Variants in AP2M1 observed in about 807,000 individuals in gnomAD.
AP2M1 encodes adaptor related protein complex 2 subunit mu 1.
AP2M1 carries 5 observed loss-of-function variants against 54.5 expected under a neutral mutation model. That is an observed-to-expected ratio of 0.09 (90% CI 0.05 to 0.19). The LOEUF (loss-of-function observed/expected upper bound fraction) is 0.19, where lower values mean the gene tolerates loss of function less well. Ranked by LOEUF, AP2M1 falls within the 10% of genes least tolerant of loss-of-function variation. The pLI is 1.00. For missense variants in AP2M1, 178 were observed against 580.2 expected, an observed-to-expected ratio of 0.31 and a Z score of 7.12; for synonymous variants, 186 against 208.2, an observed-to-expected ratio of 0.89 and a Z score of 0.92.
chr3:184,175,209 G>A, intron 1 of AP2M1: 2 of 384,842 alleles, frequency 5.2e-6, no homozygotes, highest in Non-Finnish European at 9.2e-6. Flanking sequence ...ATACCGCTTG[G>A]AATCCTCCCA....
chr3:184,177,056 AGATGACATC>A lies in AP2M1; in HGVS notation c.65_73del (p.Asp22_Ile24del). 1 of 1,613,650 alleles carries A rather than the reference AGATGACATC, an allele frequency of 6.2e-7. No homozygotes were observed. The highest frequency in any genetic ancestry group is 8.5e-7 in the Non-Finnish European group (1 of 1,179,850). On this transcript the variant is annotated inframe_deletion and splice_region_variant, in exon 2 of 12. Transcript: ENST00000292807. ...AGGTGCTCATCTCCCGAGTCTACCG[AGATGACATC>A]GGGTGAGTCCCCTGGCGGAGCCAGC...
rs1216925085 is a variant in AP2M1 at position 184,178,011 on chromosome 3, C to T, written c.75-846C>T. 4 of 653,518 alleles carry T rather than the reference C, an allele frequency of 6.1e-6. No individual in the cohort carries two copies. The highest frequency in any genetic ancestry group is 5.4e-5 in the African/African-American group (3 of 55,980). The allele number at this position is 653,518 out of a possible 1,614,324, so 40.5% of individuals were successfully genotyped here. A position where few individuals can be genotyped will look rare whatever the true frequency, so the allele number is the denominator to read the frequency against. Reference sequence around the variant, plus strand: ...GCCTGTCTGAACCTGGCTGGCTACACCCCCCACCCCAGACCCCCTCCTGCC... The same window carrying T: ...GCCTGTCTGAACCTGGCTGGCTACATCCCCCACCCCAGACCCCCTCCTGCC... On this transcript the variant is annotated intron_variant, in intron 2 of 11. Coordinates refer to ENST00000292807, the MANE Select transcript of AP2M1 (RefSeq NM_004068.4). The surrounding 1 kb of genome is among the most constrained non-coding windows in gnomAD (Gnocchi z 4.9).
intron 1 of AP2M1, among the ~76,000 whole-genome samples, chr3:184,176,524 G>A (rs1164861419): frequency 6.6e-6 from 1 of 152,166 alleles, no homozygotes; most frequent in African/African-American, 2.4e-5. Context: ...TATGCCTGGG[G>A]GCCCCAGGCC....
chr3:184,177,213 G>C, intron 2 of AP2M1, 146 bp downstream of exon 2: 1 of 837,772 alleles, frequency 1.2e-6, no homozygotes, highest in Non-Finnish European at 1.8e-6. Context: ...GTGTAGCCTG[G>C]CTCCCATTAG....
chr3:184,177,162 G>A, intron 2 of AP2M1, 95 bp downstream of exon 2: 2 of 1,267,864 alleles, frequency 1.6e-6, no homozygotes, highest in Non-Finnish European at 2.2e-6. Context: ...GGCTTGACTT[G>A]GGCCACCCTG....
chr3:184,181,419 C>T lies in AP2M1; in HGVS notation c.707+193C>T. On this transcript the variant is annotated intron_variant, in intron 7 of 11. Transcript: ENST00000292807. This position sits in a 1 kb window ranked among gnomAD's most constrained non-coding sequence, Gnocchi z 5.7. ...GGGATCGTCCTCAGAGAGCAAGCCC[C>T]TTTGTTTGGTCCCTAGGACCAAGGC... The T allele has an allele frequency of 1.1e-6, 1 of 946,686 alleles. No homozygotes were observed. The highest frequency in any genetic ancestry group is 1.5e-6 in the Non-Finnish European group (1 of 647,150). 58.6% of individuals were successfully genotyped at this position (946,686 alleles called of 1,614,324 possible). A position where few individuals can be genotyped will look rare whatever the true frequency, so the allele number is the denominator to read the frequency against.
rs1358796530 is a variant in AP2M1 at position 184,178,010 on chromosome 3, A to AC, written c.75-841dup. On this transcript the variant is annotated intron_variant, in intron 2 of 11. Coordinates refer to ENST00000292807, the MANE Select transcript of AP2M1 (RefSeq NM_004068.4). This position sits in a 1 kb window ranked among gnomAD's most constrained non-coding sequence, Gnocchi z 4.9. ...GGCCTGTCTGAACCTGGCTGGCTAC[A>AC]CCCCCCACCCCAGACCCCCTCCTGC... The AC allele has an allele frequency of 1.1e-5, 7 of 655,458 alleles. No individual in the cohort carries two copies. The highest frequency in any genetic ancestry group is 4.4e-5 in the Admixed American group (2 of 44,974). The allele number at this position is 655,458 out of a possible 1,614,324, so 40.6% of individuals were successfully genotyped here.
intron 1 of AP2M1, 134 bp downstream of exon 1, chr3:184,175,093 C>T: frequency 5.1e-6 from 2 of 395,482 alleles, no homozygotes; most frequent in Non-Finnish European, 8.9e-6. Context: ...AGCCTTCGGA[C>T]CCGGGAGCTA....
chr3:184,178,224 G>A lies in AP2M1; in HGVS notation c.75-633G>A, dbSNP rs769505398. The A allele has an allele frequency of 6.5e-7, 1 of 1,536,130 alleles. No individual in the cohort carries two copies. The highest frequency in any genetic ancestry group is 2.4e-5 in the East Asian group (1 of 40,918). ...ATCTCATTGGCTGCCGTAGCAATAGGTAAGCGGCCTCTCAAGCTGCTGCCC... is the reference window on the plus strand; with the variant it reads ...ATCTCATTGGCTGCCGTAGCAATAGATAAGCGGCCTCTCAAGCTGCTGCCC... On this transcript the variant is annotated intron_variant, in intron 2 of 11. Transcript: ENST00000292807. This position sits in a 1 kb window ranked among gnomAD's most constrained non-coding sequence, Gnocchi z 4.9.
rs1715139564 is a variant in AP2M1, at chr3:184,178,094, C to A, written c.75-763C>A. Reference sequence around the variant, plus strand: ...CACGCCGCCTTGCCTGTCTTGTCTGCTTCTGCCTCACGGTGTGTGCCGCCC... The same window carrying A: ...CACGCCGCCTTGCCTGTCTTGTCTGATTCTGCCTCACGGTGTGTGCCGCCC... On this transcript the variant is annotated intron_variant, in intron 2 of 11. Coordinates refer to ENST00000292807, the MANE Select transcript of AP2M1 (RefSeq NM_004068.4). The surrounding 1 kb of genome is among the most constrained non-coding windows in gnomAD (Gnocchi z 4.9). The A allele has an allele frequency of 2.4e-6, 3 of 1,240,634 alleles. No homozygotes were observed. The highest frequency in any genetic ancestry group is 2.6e-5 in the South Asian group (2 of 78,162). The allele number at this position is 1,240,634 out of a possible 1,614,324, so 76.9% of individuals were successfully genotyped here. A position where few individuals can be genotyped will look rare whatever the true frequency, so the allele number is the denominator to read the frequency against.
At chr3:184,176,397 T>G (rs958023500) in intron 1 of AP2M1, among the ~76,000 whole-genome samples, 1 of 152,162 alleles carries the variant, frequency 6.6e-6, no homozygotes, top group African/African-American at 2.4e-5. Flanking sequence ...TCCCTTCTCT[T>G]CTCCTTATAC....
Position 184,179,129 on chromosome 3 carries a change from C to G in AP2M1, c.340+7C>G, listed in dbSNP as rs2109029714. ...ATATATGAGCTGCTGGATGGTGAGG[C>G]TGGCGGGCTGGCACGGCAGCGGGCG... On this transcript the variant is annotated splice_region_variant and intron_variant, in intron 3 of 11. Transcript: ENST00000292807. The G allele has an allele frequency of 6.2e-7, 1 of 1,609,966 alleles. No homozygotes were observed. Among genetic ancestry groups the G allele is most frequent in the East Asian group, 2.2e-5 (1 of 44,790 alleles).
intron 2 of AP2M1, chr3:184,177,825 G>A (rs1405118486): frequency 3.4e-6 from 2 of 596,628 alleles, no homozygotes; most frequent in African/African-American, 3.7e-5. Context: ...CCTGCTGCCT[G>A]TTTTTCTTCC....
rs1715355881 is a variant in AP2M1, at chr3:184,183,916, CCT to C, written c.*301_*302del. 2.9e-6 allele frequency: 1 copy of C among 341,412 alleles called. No individual in the cohort carries two copies. The highest frequency in any genetic ancestry group is 3.2e-5 in the South Asian group (1 of 30,914). 21.1% of individuals were successfully genotyped at this position (341,412 alleles called of 1,614,324 possible). A position where few individuals can be genotyped will look rare whatever the true frequency, so the allele number is the denominator to read the frequency against. On this transcript the variant is annotated 3_prime_UTR_variant, in exon 12 of 12. Coordinates refer to ENST00000292807, the MANE Select transcript of AP2M1 (RefSeq NM_004068.4). This position sits in a 1 kb window ranked among gnomAD's most constrained non-coding sequence, Gnocchi z 5.7. ...AGGTGGGTTCCCTTTCCTTCCCACC[CCT>C]GTGGCCACAGCTCTGGAGTGGGAGG...
rs956388972 is a variant in AP2M1, at chr3:184,183,395, G to A, written c.1174-87G>A. The A allele has an allele frequency of 1.0e-5, 16 of 1,576,280 alleles. No individual in the cohort carries two copies. In the African/African-American group the frequency reaches 1.6e-4, roughly 16 times the overall value. ...CAGCCATACAAACACCTGTAGTAGC[G>A]ATGAAGTAGGGCAGGGCAACGGGAC... is the stretch of plus-strand genomic sequence containing the variant. On this transcript the variant is annotated intron_variant, in intron 11 of 11. Transcript: ENST00000292807. This position sits in a 1 kb window ranked among gnomAD's most constrained non-coding sequence, Gnocchi z 5.7.
In AP2M1 at chr3:184,178,099, G is replaced by T; in HGVS notation, c.75-758G>T. On this transcript the variant is annotated intron_variant, in intron 2 of 11. Coordinates refer to ENST00000292807, the MANE Select transcript of AP2M1 (RefSeq NM_004068.4). This position sits in a 1 kb window ranked among gnomAD's most constrained non-coding sequence, Gnocchi z 4.9. ...CGCCTTGCCTGTCTTGTCTGCTTCT[G>T]CCTCACGGTGTGTGCCGCCCTCCCG... The T allele has an allele frequency of 3.9e-6, 5 of 1,273,348 alleles. No individual in the cohort carries two copies. Among genetic ancestry groups the T allele is most frequent in the Non-Finnish European group, 5.5e-6 (5 of 908,312 alleles). 78.9% of individuals were successfully genotyped at this position (1,273,348 alleles called of 1,614,324 possible).
intron 2 of AP2M1, chr3:184,177,744 C>A: frequency 2.3e-6 from 2 of 855,596 alleles, no homozygotes; most frequent in Non-Finnish European, 3.6e-6. Flanking sequence ...CCCCCTTGCA[C>A]GCCCTTGTTC....
In AP2M1 at chr3:184,182,336, C is replaced by G. The variant is rs148571403; in HGVS notation, c.1061+88C>G. 36 of 1,405,328 alleles carry G rather than the reference C, an allele frequency of 2.6e-5. No homozygotes were observed. The African/African-American group carries it at 4.6e-4, about 18-fold the overall frequency. The allele number at this position is 1,405,328 out of a possible 1,614,324, so 87.1% of individuals were successfully genotyped here. ...AGCTTTGATCCTTCTGAATGAGGGG[C>G]AGGGGAGTGTGCCTGTTTGCTTTTC... On this transcript the variant is annotated intron_variant, in intron 10 of 11. Coordinates refer to ENST00000292807, the MANE Select transcript of AP2M1 (RefSeq NM_004068.4). The surrounding 1 kb of genome is among the most constrained non-coding windows in gnomAD (Gnocchi z 5.5).
chr3:184,180,999 A>C lies in AP2M1; in HGVS notation c.565+15A>C. On this transcript the variant is annotated intron_variant, in intron 6 of 11. Coordinates refer to ENST00000292807, the MANE Select transcript of AP2M1 (RefSeq NM_004068.4). This position sits in a 1 kb window ranked among gnomAD's most constrained non-coding sequence, Gnocchi z 4.9. The stretch of plus-strand genomic sequence containing the variant: ...GTCCCCACAAGGTGAGGTCCCTCTC[A>C]CGACAAAGTTGGAGGGGGCCCAGGG... 1 of 1,614,088 alleles carries C rather than the reference A, an allele frequency of 6.2e-7. No individual in the cohort carries two copies. The highest frequency in any genetic ancestry group is 8.5e-7 in the Non-Finnish European group (1 of 1,180,010).
Sources: allele counts gnomAD v4.1 joint callset (sites outside exome capture counted in the v4.1 genomes callset), GRCh38; gene constraint gnomAD v4.1.1; non-coding constraint Gnocchi (gnomAD v3.1); transcripts MANE v1.5; gene names NCBI Gene and HGNC (gene_info 2026-07-23, HGNC 2026-07-21).